ASIP: variants seen among roughly 807,000 people sequenced by gnomAD.
The protein encoded by ASIP is agouti-signaling protein.
Under a neutral mutation model 10.3 loss-of-function variants are expected in ASIP, and 11 were observed. That is an observed-to-expected ratio of 1.07 (90% confidence interval 0.68 to 1.78). The LOEUF (loss-of-function observed/expected upper bound fraction) is 1.78. Ranked by LOEUF, ASIP falls within the 40% of genes most tolerant of loss-of-function variation. The pLI is 0.00. For synonymous variants in ASIP, 70 were observed against 70.8 expected (o/e 0.99, Z 0.06); for missense variants, 180 against 169.2 (o/e 1.06, Z -0.35).
chr20:34,263,891 G>A (rs1341907966), intron 3 of ASIP, among the ~76,000 whole-genome samples: 1 of 151,656 alleles, frequency 6.6e-6, no homozygotes, highest in African/African-American at 2.4e-5. Context: ...GGCTGGTCTC[G>A]AACTCCTGAC....
At position 34,214,093 on chromosome 20, in the gene ASIP, C is replaced by T. The variant is rs1403143762; in HGVS notation, c.-11+19333C>T. 9 of 1,171,816 alleles carry T rather than the reference C, an allele frequency of 7.7e-6. No individual in the cohort carries two copies. In the East Asian group the frequency reaches 2.1e-4, roughly 27 times the overall value. 72.6% of individuals were successfully genotyped at this position (1,171,816 alleles called of 1,614,324 possible). On this transcript the variant is annotated intron_variant, in intron 1 of 3. Transcript: ENST00000568305. ...AACTGTCTCATAAATAAAATTTGAT[C>T]ATCGCTGCTCAGGAAGGACTGGTGG... is the stretch of plus-strand genomic sequence containing the variant.
At chr20:34,207,980 C>G (rs947771914) in intron 1 of ASIP, among the ~76,000 whole-genome samples, 1 of 151,678 alleles carries the variant, frequency 6.6e-6, no homozygotes, top group Non-Finnish European at 1.5e-5. Flanking sequence ...TAGTAGAGAC[C>G]GGGTTTCACC....
intron 1 of ASIP, among the ~76,000 whole-genome samples, chr20:34,212,760 C>T (rs1160970454): frequency 1.3e-5 from 2 of 152,106 alleles, no homozygotes; most frequent in Admixed American, 6.6e-5. Context: ...TTCCCACCTG[C>T]CCTTGTTAAT....
chr20:34,222,794 A>T (rs1413015440), intron 1 of ASIP, among the ~76,000 whole-genome samples: 1 of 151,512 alleles, frequency 6.6e-6, no homozygotes, highest in Non-Finnish European at 1.5e-5. Context: ...ACGCGCCGCC[A>T]CGCCTGACTG....
the ASIP span, among the ~76,000 whole-genome samples, chr20:34,188,956 G>C: frequency 6.6e-6 from 1 of 152,090 alleles, no homozygotes; most frequent in East Asian, 1.9e-4. Flanking sequence ...TTATGATAGG[G>C]CTCTGAGATC....
At chr20:34,262,808 T>G (rs1384628178) in intron 2 of ASIP, 24 bp from the exon 3 acceptor site, 2 of 1,613,588 alleles carry the variant, frequency 1.2e-6, no homozygotes, top group South Asian at 2.2e-5. Flanking sequence ...CATCTGACTT[T>G]GCTCCTTTTG....
chr20:34,261,810 T>G (rs1365373518), intron 2 of ASIP, among the ~76,000 whole-genome samples: 1 of 151,328 alleles, frequency 6.6e-6, no homozygotes, highest in Non-Finnish European at 1.5e-5. Context: ...AAAAAAGAAA[T>G]TTTTTAATAA....
intron 3 of ASIP, 47 bp downstream of exon 3, chr20:34,262,940 G>T (rs543671099): frequency 6.2e-7 from 1 of 1,604,620 alleles, no homozygotes; most frequent in South Asian, 1.1e-5. Flanking sequence ...GGGTGAGACT[G>T]GACTTAAAGA....
At chr20:34,231,445 A>G (rs2035121346) in intron 1 of ASIP, among the ~76,000 whole-genome samples, 1 of 152,274 alleles carries the variant, frequency 6.6e-6, no homozygotes, top group Non-Finnish European at 1.5e-5. Flanking sequence ...AAAACATAGA[A>G]GAAATCTTTT....
At chr20:34,257,689 T>C (rs993754373) in intron 1 of ASIP, among the ~76,000 whole-genome samples, 11 of 152,214 alleles carry the variant, frequency 7.2e-5, no homozygotes, top group Non-Finnish European at 1.6e-4. Context: ...CTATTCATGA[T>C]GTAATTTTTC....
chr20:34,191,415 CCTCCCTGAGCACACTG>C (rs2122524759), upstream of ASIP, among the ~76,000 whole-genome samples: 1 of 152,258 alleles, frequency 6.6e-6, no homozygotes, highest in Admixed American at 6.5e-5. Context: ...CCTTTGCTTA[CCTCCCTGAGCACACTG>C]TCATCCCCAT....
chr20:34,260,553 G>A lies in ASIP; in HGVS notation c.160+19G>A, dbSNP rs767665154. 2 of 1,592,894 alleles carry A rather than the reference G, an allele frequency of 1.3e-6. No individual in the cohort carries two copies. The highest frequency in any genetic ancestry group is 4.5e-5 in the East Asian group (2 of 44,578). ...ATTGTGGGTAAGTCACCTAGCCTCT[G>A]GGCTCTGGCCCAGGAGAGGGGCTGC... On this transcript the variant is annotated intron_variant, in intron 2 of 3. Transcript: ENST00000374954.
chr20:34,204,141 T>G (rs553876949), intron 1 of ASIP, among the ~76,000 whole-genome samples: 5 of 152,240 alleles, frequency 3.3e-5, no homozygotes, highest in Non-Finnish European at 7.3e-5. Flanking sequence ...ACTTAATAAT[T>G]CTTATAGTTT....
upstream of ASIP, among the ~76,000 whole-genome samples, chr20:34,237,725 T>C (rs1402892839): frequency 6.6e-6 from 1 of 152,240 alleles, no homozygotes; most frequent in African/African-American, 2.4e-5. Context: ...CTTTGTCTTG[T>C]TCTTGATGTT....
chr20:34,211,071 G>A (rs1285881274), intron 1 of ASIP, among the ~76,000 whole-genome samples: 1 of 152,024 alleles, frequency 6.6e-6, no homozygotes, highest in African/African-American at 2.4e-5. Context: ...ATCCAGGCTG[G>A]AGTACAGTAG....
Position 34,269,099 on chromosome 20 carries a change from T to TG in ASIP, c.332dup (p.Cys111TrpfsTer73). 1 of 1,568,170 alleles carries TG rather than the reference T, an allele frequency of 6.4e-7. No individual in the cohort carries two copies. The highest frequency in any genetic ancestry group is 8.6e-7 in the Non-Finnish European group (1 of 1,157,514). On this transcript the variant is annotated frameshift_variant, in exon 4 of 4. Coordinates refer to ENST00000374954, the MANE Select transcript of ASIP (RefSeq NM_001672.3). LOFTEE classifies it high-confidence loss of function. ...GCCGGCACCCGCCTGCTGCGACCCGTGCGCCTCCTGCCAGTGCCGCTTCTT... is the reference window on the plus strand; with the variant it reads ...GCCGGCACCCGCCTGCTGCGACCCGTGGCGCCTCCTGCCAGTGCCGCTTCTT...
intron 1 of ASIP, chr20:34,214,641 C>G: frequency 9.0e-7 from 1 of 1,106,262 alleles, no homozygotes; most frequent in Non-Finnish European, 1.4e-6. Context: ...CCAACACTAA[C>G]TTCAGTTGTT....
rs138589879 is a variant in ASIP, at chr20:34,261,539, C to T, written c.160+1005C>T. Among the ~76,000 whole-genome samples the T allele has an allele frequency of 1.3e-3, 195 of 152,258 alleles. 2 individuals are homozygous for T. In the East Asian group the frequency reaches 0.031, roughly 24 times the overall value. ...GTCCTAGCTACTTGGGAGGCTGAGG[C>T]AGGAGGATCACTTGAGCCCAGGAGT... On this transcript the variant is annotated intron_variant, in intron 2 of 3. Coordinates refer to ENST00000374954, the MANE Select transcript of ASIP (RefSeq NM_001672.3).
chr20:34,246,803 C>T (rs1410437371), intron 1 of ASIP, among the ~76,000 whole-genome samples: 1 of 152,110 alleles, frequency 6.6e-6, no homozygotes, highest in Non-Finnish European at 1.5e-5. Flanking sequence ...TTGAAGCTCC[C>T]TTTACTGATT....
Sources: allele counts gnomAD v4.1 joint callset (sites outside exome capture counted in the v4.1 genomes callset), GRCh38; gene constraint gnomAD v4.1.1; transcripts MANE v1.5; gene names NCBI Gene and HGNC (gene_info 2026-07-23, HGNC 2026-07-21).